The following TSC22D3 variants were observed in gnomAD, a reference collection of about 807,000 sequenced individuals.
The protein encoded by TSC22D3 is TSC22 domain family protein 3.
In TSC22D3, 4 loss-of-function variants were observed where a neutral mutation model predicts 11.1. The observed-to-expected ratio is 0.36, with a 90% CI of 0.18 to 0.83. The LOEUF (loss-of-function observed/expected upper bound fraction) is 0.83, where lower values mean the gene tolerates loss of function less well. TSC22D3 is among the 40% of genes least tolerant of loss of function. The probability of loss-of-function intolerance (pLI) is 0.48; values close to 1 mark genes in which losing one functional copy is unlikely to be tolerated. For synonymous variants in TSC22D3, 77 were observed against 70.3 expected, an observed-to-expected ratio of 1.10 and a Z score of -0.48; for missense variants, 118 against 159.4, an observed-to-expected ratio of 0.74 and a Z score of 1.40.
At chrX:107,749,362 G>A (rs1423404961) in intron 1 of TSC22D3, among the ~76,000 whole-genome samples, 1 of 110,621 alleles carries the variant, frequency 9.0e-6, no homozygotes, top group Non-Finnish European at 1.9e-5. Context: ...GTGACAGAGC[G>A]AGACTCTGTC....
At chrX:107,756,277 A>C (rs750781260) in intron 1 of TSC22D3, among the ~76,000 whole-genome samples, 1 of 112,686 alleles carries the variant, frequency 8.9e-6, no homozygotes, top group African/African-American at 3.2e-5. Context: ...ACTGTAAATT[A>C]ACTTTAAGCA....
At chrX:107,760,500 A>G (rs1021608676) in intron 1 of TSC22D3, among the ~76,000 whole-genome samples, 1 of 111,934 alleles carries the variant, frequency 8.9e-6, no homozygotes, top group Non-Finnish European at 1.9e-5. Flanking sequence ...CCCACCCCAC[A>G]TTGGGCCTCA....
intron 1 of TSC22D3, among the ~76,000 whole-genome samples, chrX:107,762,047 G>T (rs1569454229): frequency 8.9e-6 from 1 of 112,063 alleles, no homozygotes; most frequent in Non-Finnish European, 1.9e-5. Flanking sequence ...TTTGATGCCT[G>T]TCTCCACCAC....
chrX:107,744,333 AG>A (rs1442318843), intron 1 of TSC22D3, among the ~76,000 whole-genome samples: 2 of 110,648 alleles, frequency 1.8e-5, no homozygotes, highest in East Asian at 5.7e-4. Context: ...TAAAGAGCTC[AG>A]GCTGGGTGCG....
intron 1 of TSC22D3, among the ~76,000 whole-genome samples, chrX:107,744,416 G>A (rs959855994): frequency 4.5e-5 from 5 of 110,911 alleles, no homozygotes; most frequent in African/African-American, 1.6e-4. Context: ...AGGAGGCAGA[G>A]GTTGCAGTGA....
rs781386272 is a variant in TSC22D3, at chrX:107,734,878, TAAAAAAAA to T, written c.321-18936_321-18929del. On this transcript the variant is annotated intron_variant, in intron 1 of 2. Transcript: ENST00000372383. The stretch of plus-strand genomic sequence containing the variant: ...TTTATCTATTGTTCACAACTCTACG[TAAAAAAAA>T]AAAAAAAAAAAAAAAAAAAAATTGC... Among the ~76,000 whole-genome samples the T allele has an allele frequency of 8.0e-4, 30 of 37,282 alleles. 1 individual carries two copies. Among genetic ancestry groups the T allele is most frequent in the African/African-American group, 2.4e-3 (17 of 7,130 alleles). 32.4% of individuals were successfully genotyped at this position (37,282 alleles called of 115,157 possible). A position where few individuals can be genotyped will look rare whatever the true frequency, so the allele number is the denominator to read the frequency against.
rs372780771 is a variant in TSC22D3 at position 107,715,453 on chromosome X, C to T, written c.372+446G>A. Among the ~76,000 whole-genome samples, 9 of 112,504 alleles carry T rather than the reference C, an allele frequency of 8.0e-5. No individual in the cohort carries two copies. In the East Asian group the frequency reaches 2.5e-3, roughly 31 times the overall value. ...ATTGTGGCTGCTCCTTGGAGTATGA[C>T]CTCTACCTGGTAAGGAGAGGGACAG... On this transcript the variant is annotated intron_variant, in intron 2 of 2. Coordinates refer to ENST00000372383, the MANE Select transcript of TSC22D3 (RefSeq NM_198057.3).
chrX:107,753,267 T>C (rs908728441), intron 1 of TSC22D3, among the ~76,000 whole-genome samples: 1 of 111,436 alleles, frequency 9.0e-6, no homozygotes, highest in Admixed American at 9.5e-5. Flanking sequence ...GCCAGGATGC[T>C]GGCCTCCTGA....
intron 1 of TSC22D3, chrX:107,717,125 G>A: frequency 1.1e-6 from 1 of 872,955 alleles, no homozygotes; most frequent in Non-Finnish European, 1.4e-6. Flanking sequence ...TGGCGTCAGG[G>A]GCCATGCAAA....
intron 1 of TSC22D3, among the ~76,000 whole-genome samples, chrX:107,717,400 T>C (rs996696667): frequency 8.9e-6 from 1 of 112,702 alleles, no homozygotes; most frequent in Non-Finnish European, 1.9e-5. Context: ...CCCCCATGGC[T>C]TTGCATGCTC....
chrX:107,770,392 C>T (rs1012062836), intron 1 of TSC22D3, among the ~76,000 whole-genome samples: 4 of 112,148 alleles, frequency 3.6e-5, no homozygotes, highest in Non-Finnish European at 5.6e-5. Flanking sequence ...CTTAGAGAAG[C>T]ACAAATAATT....
intron 1 of TSC22D3, among the ~76,000 whole-genome samples, chrX:107,735,541 C>T: frequency 9.0e-6 from 1 of 111,193 alleles, no homozygotes; most frequent in South Asian, 3.8e-4. Flanking sequence ...GCATTCACCA[C>T]CACCCTCAGC....
chrX:107,769,470 G>T (rs1253266084), intron 1 of TSC22D3, among the ~76,000 whole-genome samples: 2 of 111,253 alleles, frequency 1.8e-5, no homozygotes, highest in Non-Finnish European at 3.8e-5. Flanking sequence ...AGGTTACCAG[G>T]GGGTAGTGGG....
At chrX:107,723,666 G>A (rs2147729336) in intron 1 of TSC22D3, among the ~76,000 whole-genome samples, 1 of 112,917 alleles carries the variant, frequency 8.9e-6, no homozygotes, top group African/African-American at 3.2e-5. Flanking sequence ...AGTCTATCCA[G>A]GCCAGCGGGA....
chrX:107,775,407 T>C lies in TSC22D3; in HGVS notation c.13A>G (p.Lys5Glu), dbSNP rs1484163220. The part of the protein sequence containing the change: MAQS[K>E]LDCRSPVGLD... ...CCGACAGGTGAGCGGCAATCGAGCT[T>C]GGACTGGGCCATCTTCTCAGGCTCG... Residue 5 changes from lysine to glutamate, a missense_variant, in exon 1 of 3, where the codon AAG (lysine) becomes GAG (glutamate). Physicochemically the swap from Lys to Glu is moderately conservative, Grantham distance 56 (BLOSUM62 1). Coordinates refer to ENST00000372383, the MANE Select transcript of TSC22D3 (RefSeq NM_198057.3). 8.5e-7 allele frequency: 1 copy of C among 1,181,607 alleles called. No individual in the cohort carries two copies. The highest frequency in any genetic ancestry group is 2.4e-5 in the Admixed American group (1 of 42,079).
chrX:107,716,896 G>A, intron 1 of TSC22D3: 1 of 1,177,510 alleles, frequency 8.5e-7, no homozygotes, highest in Non-Finnish European at 1.1e-6. Context: ...AGGCTGCGCT[G>A]GGCTGGGCTC....
At chrX:107,770,266 A>G (rs1929850008) in intron 1 of TSC22D3, among the ~76,000 whole-genome samples, 1 of 112,108 alleles carries the variant, frequency 8.9e-6, no homozygotes, top group Non-Finnish European at 1.9e-5. Flanking sequence ...AATCTTAAAT[A>G]GTATGAACTT....
intron 1 of TSC22D3, among the ~76,000 whole-genome samples, chrX:107,732,529 C>G (rs748918653): frequency 2.6e-3 from 288 of 111,606 alleles, no homozygotes; most frequent in Non-Finnish European, 3.1e-3. Flanking sequence ...AGATGTTCTC[C>G]CTTTCCTTCC....
intron 1 of TSC22D3, among the ~76,000 whole-genome samples, chrX:107,770,250 G>A (rs1929848562): frequency 8.9e-6 from 1 of 112,068 alleles, no homozygotes; most frequent in African/African-American, 3.3e-5. Context: ...CATGGACAGA[G>A]AACTGAATCT....
Sources: gnomAD v4.1 joint callset for allele counts (sites outside exome capture counted in the v4.1 genomes callset) on GRCh38, gnomAD v4.1.1 for gene constraint, MANE v1.5 for transcripts, NCBI Gene and HGNC (gene_info 2026-07-23, HGNC 2026-07-21) for gene names.